Variants in PCDHGB2 observed in about 807,000 individuals in gnomAD.
PCDHGB2 encodes the protein protocadherin gamma-B2.
In PCDHGB2, 55 loss-of-function variants were observed where a neutral mutation model predicts 59.3. That is an observed-to-expected ratio of 0.93 (90% CI 0.75 to 1.16). The LOEUF is 1.16. Ranked by LOEUF, PCDHGB2 falls within the 50% of genes most tolerant of loss-of-function variation. PCDHGB2 has a pLI of 0.00. For missense variants in PCDHGB2, 1,228 were observed against 1,198.5 expected (o/e 1.02, Z -0.36); for synonymous variants, 516 against 512.0 (o/e 1.01, Z -0.11).
Position 141,410,674 on chromosome 5 carries a change from A to G in PCDHGB2, c.2421+48118A>G. 3.2e-6 allele frequency: 5 copies of G among 1,551,418 alleles called. No homozygotes were observed. In the South Asian group the frequency reaches 3.6e-5, roughly 11 times the overall value. On this transcript the variant is annotated intron_variant, in intron 1 of 3. Coordinates refer to ENST00000522605, the MANE Select transcript of PCDHGB2 (RefSeq NM_018923.3). ...ATCTAATAGTCTACTAGTTTCTCATATTTTAGGCATACTACTTTATTTTCA... is the reference window on the plus strand; with the variant it reads ...ATCTAATAGTCTACTAGTTTCTCATGTTTTAGGCATACTACTTTATTTTCA...
chr5:141,403,697 G>A (rs1230785832), intron 1 of PCDHGB2: 5 of 1,613,830 alleles, frequency 3.1e-6, no homozygotes, highest in Admixed American at 1.7e-5. Context: ...GATTTACCGA[G>A]TTAAAGTCCT....
intron 1 of PCDHGB2, chr5:141,394,859 C>T: frequency 6.2e-7 from 1 of 1,613,758 alleles, no homozygotes; most frequent in Non-Finnish European, 8.5e-7. Context: ...AGCCTTCGGT[C>T]GACCCGAACG....
chr5:141,384,164 T>C, intron 1 of PCDHGB2: 1 of 1,613,724 alleles, frequency 6.2e-7, no homozygotes, highest in Non-Finnish European at 8.5e-7. Flanking sequence ...AACATCACAC[T>C]GAAAGCCACA....
intron 2 of PCDHGB2, among the ~76,000 whole-genome samples, chr5:141,496,125 T>C (rs1318749514): frequency 6.8e-6 from 1 of 146,032 alleles, no homozygotes; most frequent in Non-Finnish European, 1.5e-5. Context: ...TCCCTGCCCC[T>C]CACACACTGA....
In PCDHGB2 at chr5:141,490,935, G is replaced by A. The variant is rs1371144225; in HGVS notation, c.2422-3872G>A. On this transcript the variant is annotated intron_variant, in intron 1 of 3. Transcript: ENST00000522605. The surrounding 1 kb of genome is among the most constrained non-coding windows in gnomAD (Gnocchi z 5.4). ...AGAATGATAATGCCCCAGCTGTGCTGCACCCACGGCCAGACTGGGAACACT... is the reference window on the plus strand; with the variant it reads ...AGAATGATAATGCCCCAGCTGTGCTACACCCACGGCCAGACTGGGAACACT... 1.9e-6 allele frequency: 3 copies of A among 1,613,638 alleles called. No homozygotes were observed. The highest frequency in any genetic ancestry group is 2.2e-5 in the South Asian group (2 of 91,032).
chr5:141,395,181 T>C (rs758854683), intron 1 of PCDHGB2: 3 of 1,614,030 alleles, frequency 1.9e-6, no homozygotes, highest in Non-Finnish European at 2.5e-6. Context: ...GAAAAATGAT[T>C]CTTTGTTAAC....
At position 141,431,260 on chromosome 5, in the gene PCDHGB2, G is replaced by A. The variant is rs762250032; in HGVS notation, c.2422-63547G>A. The A allele has an allele frequency of 6.2e-7, 1 of 1,614,170 alleles. No individual in the cohort carries two copies. The highest frequency in any genetic ancestry group is 2.2e-5 in the East Asian group (1 of 44,892). On this transcript the variant is annotated intron_variant, in intron 1 of 3. Coordinates refer to ENST00000522605, the MANE Select transcript of PCDHGB2 (RefSeq NM_018923.3). The surrounding 1 kb of genome is among the most constrained non-coding windows in gnomAD (Gnocchi z 4.8). The stretch of plus-strand genomic sequence containing the variant: ...ATCCGGATATCGGGAAGAACTCTCT[G>A]CAGAGCTACGAGCTCAGCCCGAACA...
intron 1 of PCDHGB2, chr5:141,399,718 C>T (rs770212703): frequency 6.2e-7 from 1 of 1,613,306 alleles, no homozygotes; most frequent in Non-Finnish European, 8.5e-7. Context: ...ACTACAGGCC[C>T]GCGACCAGGG....
chr5:141,365,280 TG>T, intron 1 of PCDHGB2: 2 of 1,614,018 alleles, frequency 1.2e-6, no homozygotes. Flanking sequence ...TTCTACCTCA[TG>T]GAAGTGGTAG....
intron 1 of PCDHGB2, chr5:141,389,942 G>T: frequency 1.2e-6 from 2 of 1,614,070 alleles, no homozygotes; most frequent in African/African-American, 2.7e-5. Flanking sequence ...AGGCTGAGCT[G>T]CAGTTTTACC....
In PCDHGB2 at chr5:141,383,030, T is replaced by C. The variant is rs756178371; in HGVS notation, c.2421+20474T>C. 2 of 1,613,742 alleles carry C rather than the reference T, an allele frequency of 1.2e-6. No individual in the cohort carries two copies. Among genetic ancestry groups the C allele is most frequent in the Non-Finnish European group, 1.7e-6 (2 of 1,179,874 alleles). ...TCGGAGGAGACGGACAAAGGGTCCT[T>C]TGTGGGAGACATCGCCAAGGACCTG... On this transcript the variant is annotated intron_variant, in intron 1 of 3. Coordinates refer to ENST00000522605, the MANE Select transcript of PCDHGB2 (RefSeq NM_018923.3).
chr5:141,439,410 A>T (rs2098110832), intron 1 of PCDHGB2, among the ~76,000 whole-genome samples: 1 of 152,220 alleles, frequency 6.6e-6, no homozygotes, highest in African/African-American at 2.4e-5. Context: ...TGCTAACATC[A>T]CTGAGGTTAT....
chr5:141,446,771 A>G (rs1008985621), intron 1 of PCDHGB2, among the ~76,000 whole-genome samples: 3 of 152,158 alleles, frequency 2.0e-5, no homozygotes, highest in Admixed American at 2.0e-4. Flanking sequence ...CCAGCCGGTT[A>G]CCATTCTTTT....
chr5:141,384,528 C>A (rs1443944722), intron 1 of PCDHGB2: 2 of 1,614,136 alleles, frequency 1.2e-6, no homozygotes, highest in Admixed American at 3.3e-5. Flanking sequence ...CGCCTCTCAG[C>A]AGCAACATGT....
intron 1 of PCDHGB2, chr5:141,375,116 C>T (rs754682469): frequency 3.7e-6 from 6 of 1,613,886 alleles, no homozygotes; most frequent in Non-Finnish European, 4.2e-6. Flanking sequence ...TGATAATGTA[C>T]CAGAAGTGGT....
At position 141,432,273 on chromosome 5, in the gene PCDHGB2, T is replaced by G. The variant is rs199937628; in HGVS notation, c.2422-62534T>G. 6.8e-6 allele frequency: 11 copies of G among 1,614,238 alleles called. No individual in the cohort carries two copies. In the Admixed American group the frequency reaches 1.7e-4, roughly 24 times the overall value. ...CAAGGGGCAAGCCTATCGTCCTACG[T>G]GTCCATCAACTCCGACACTGGGGTA... On this transcript the variant is annotated intron_variant, in intron 1 of 3. Coordinates refer to ENST00000522605, the MANE Select transcript of PCDHGB2 (RefSeq NM_018923.3). This position sits in a 1 kb window ranked among gnomAD's most constrained non-coding sequence, Gnocchi z 6.0.
At chr5:141,444,288 C>T (rs2098430665) in intron 1 of PCDHGB2, among the ~76,000 whole-genome samples, 1 of 150,100 alleles carries the variant, frequency 6.7e-6, no homozygotes, top group South Asian at 2.1e-4. Flanking sequence ...TCTCCTGCCT[C>T]AGCCTCCCTA....
At chr5:141,408,691 C>T (rs1013098114) in intron 1 of PCDHGB2, 1 of 1,613,854 alleles carries the variant, frequency 6.2e-7, no homozygotes, top group Non-Finnish European at 8.5e-7. Flanking sequence ...CTGATATAAA[C>T]ATAAACTCAA....
chr5:141,491,955 A>T lies in PCDHGB2; in HGVS notation c.2422-2852A>T. Reference sequence around the variant, plus strand: ...GGGACCGACCCCCACCCCTACACTCAAAAAAGGCCGGGGCCTCCTTCGAGC... The same window carrying T: ...GGGACCGACCCCCACCCCTACACTCTAAAAAGGCCGGGGCCTCCTTCGAGC... On this transcript the variant is annotated intron_variant, in intron 1 of 3. Coordinates refer to ENST00000522605, the MANE Select transcript of PCDHGB2 (RefSeq NM_018923.3). This position sits in a 1 kb window ranked among gnomAD's most constrained non-coding sequence, Gnocchi z 6.9. 9.7e-7 allele frequency: 1 copy of T among 1,029,648 alleles called. No homozygotes were observed. The highest frequency in any genetic ancestry group is 2.2e-5 in the South Asian group (1 of 44,530). The allele number at this position is 1,029,648 out of a possible 1,614,324, so 63.8% of individuals were successfully genotyped here. A position where few individuals can be genotyped will look rare whatever the true frequency, so the allele number is the denominator to read the frequency against.
Sources: gnomAD v4.1 joint callset for allele counts (sites outside exome capture counted in the v4.1 genomes callset) on GRCh38, gnomAD v4.1.1 for gene constraint, Gnocchi (gnomAD v3.1) non-coding constraint, MANE v1.5 for transcripts, NCBI Gene and HGNC (gene_info 2026-07-23, HGNC 2026-07-21) for gene names.